VCF2: variants seen among roughly 807,000 people sequenced by gnomAD.
VCF2 encodes protein VCF2.
the VCF2 span, among the ~76,000 whole-genome samples, chrX:55,146,487 A>C: frequency 1.8e-5 from 2 of 112,276 alleles, no homozygotes; most frequent in Non-Finnish European, 3.8e-5. Context: ...AGTTGGGATT[A>C]ACAGCCCCCA....
the VCF2 span, among the ~76,000 whole-genome samples, chrX:55,154,962 A>G: frequency 2.7e-5 from 3 of 112,868 alleles, no homozygotes; most frequent in African/African-American, 3.2e-5. Flanking sequence ...AGCTATTGCA[A>G]TGACAAGAAT....
chrX:55,161,125 C>G, the VCF2 span: 3 of 1,208,762 alleles, frequency 2.5e-6, no homozygotes, highest in Non-Finnish European at 3.4e-6. Flanking sequence ...GGAAAGGCCC[C>G]GACGAACTTA....
the VCF2 span, chrX:55,143,739 C>T: frequency 9.6e-7 from 1 of 1,044,286 alleles, no homozygotes; most frequent in Non-Finnish European, 1.3e-6. Flanking sequence ...TTCTGATATT[C>T]CTTGAAAATA....
chrX:55,145,851 T>G, the VCF2 span: 1 of 912,478 alleles, frequency 1.1e-6, no homozygotes, highest in Non-Finnish European at 1.4e-6. Flanking sequence ...AAATTGACAC[T>G]CAACTTGAAA....
the VCF2 span, among the ~76,000 whole-genome samples, chrX:55,158,649 C>T: frequency 2.7e-5 from 3 of 111,205 alleles, no homozygotes; most frequent in Admixed American, 2.9e-4. Context: ...ATCACATGTA[C>T]CCCCAAAATA....
the VCF2 span, chrX:55,145,947 A>G: frequency 9.3e-7 from 1 of 1,077,199 alleles, no homozygotes; most frequent in Non-Finnish European, 1.2e-6. Flanking sequence ...ACAACAGTGA[A>G]GTAAAACCCC....
the VCF2 span, chrX:55,143,672 T>G: frequency 1.1e-4 from 54 of 513,617 alleles, no homozygotes; most frequent in East Asian, 1.8e-3. Context: ...CACAGCTTTC[T>G]GAGCCCCTAC....
At chrX:55,156,241 T>G in the VCF2 span, among the ~76,000 whole-genome samples, 40 of 111,907 alleles carry the variant, frequency 3.6e-4, no homozygotes, top group South Asian at 0.014. Flanking sequence ...CGTGAGCCAC[T>G]GCGCCTGGCC....
At chrX:55,143,769 A>G in the VCF2 span, 4 of 1,144,462 alleles carry the variant, frequency 3.5e-6, no homozygotes, top group African/African-American at 3.6e-5. Context: ...CATAGCGGAG[A>G]TAAGTAGTTT....
At chrX:55,147,808 G>A in the VCF2 span, among the ~76,000 whole-genome samples, 1 of 109,722 alleles carries the variant, frequency 9.1e-6, no homozygotes, top group South Asian at 3.9e-4. Flanking sequence ...TCATAGGCTA[G>A]AAGGGATTTC....
the VCF2 span, among the ~76,000 whole-genome samples, chrX:55,157,197 A>T: frequency 8.9e-6 from 1 of 112,421 alleles, no homozygotes; most frequent in Non-Finnish European, 1.9e-5. Context: ...GATGAGAATG[A>T]CTCCAAACTA....
chrX:55,145,876 G>C, the VCF2 span: 11 of 963,758 alleles, frequency 1.1e-5, no homozygotes, highest in African/African-American at 2.0e-5. Context: ...TATGTAGAAA[G>C]AGTAAAATAA....
chrX:55,143,813 T>C, the VCF2 span: 58 of 1,206,140 alleles, frequency 4.8e-5, 1 homozygote, highest in Admixed American at 1.0e-3. Flanking sequence ...CTGTGAAGTA[T>C]TGAGTTTTAT....
At chrX:55,145,327 T>C in the VCF2 span, 1 of 748,808 alleles carries the variant, frequency 1.3e-6, no homozygotes, top group East Asian at 1.5e-4. Context: ...TATTACATAT[T>C]TCTTATCTGA....
the VCF2 span, chrX:55,161,044 A>T: frequency 8.4e-7 from 1 of 1,183,837 alleles, no homozygotes; most frequent in Non-Finnish European, 1.1e-6. Flanking sequence ...TTCCGCCCTG[A>T]GCCCCGAGAT....
the VCF2 span, among the ~76,000 whole-genome samples, chrX:55,150,707 C>T: frequency 8.9e-6 from 1 of 111,763 alleles, no homozygotes; most frequent in Non-Finnish European, 1.9e-5. Context: ...ACTTTTATCA[C>T]TTTCAAAAGG....
chrX:55,161,046 C>T, the VCF2 span: 1 of 1,185,114 alleles, frequency 8.4e-7, no homozygotes, highest in East Asian at 3.1e-5. Context: ...CCGCCCTGAG[C>T]CCCGAGATCT....
the VCF2 span, among the ~76,000 whole-genome samples, chrX:55,155,554 T>C: frequency 3.6e-5 from 4 of 111,890 alleles, no homozygotes; most frequent in African/African-American, 9.7e-5. Context: ...TATTTGGTAA[T>C]GCAATTTAGG....
the VCF2 span, among the ~76,000 whole-genome samples, chrX:55,154,681 T>G: frequency 8.9e-6 from 1 of 112,043 alleles, no homozygotes; most frequent in Non-Finnish European, 1.9e-5. Flanking sequence ...CAGCAGGGAT[T>G]TGCTATAATA....
Sources: gnomAD v4.1 joint callset for allele counts (sites outside exome capture counted in the v4.1 genomes callset) on GRCh38, gnomAD v4.1.1 for gene constraint, MANE v1.5 for transcripts, NCBI Gene and HGNC (gene_info 2026-07-23, HGNC 2026-07-21) for gene names.